Variants in PTPRE observed in about 807,000 individuals in gnomAD.
The protein encoded by PTPRE is receptor-type tyrosine-protein phosphatase epsilon.
In PTPRE, 51 loss-of-function variants were observed where a neutral mutation model predicts 102.0. The observed-to-expected ratio is 0.50, with a 90% CI of 0.40 to 0.63. The LOEUF is 0.63. PTPRE is among the 30% of genes least tolerant of loss of function. The probability of loss-of-function intolerance (pLI) is 0.00; values close to 1 mark genes in which losing one functional copy is unlikely to be tolerated. For missense variants in PTPRE, 752 were observed against 915.1 expected (o/e 0.82, Z 2.30); for synonymous variants, 345 against 348.2 (o/e 0.99, Z 0.10).
chr10:127,920,785 A>G (rs1846540099), intron 1 of PTPRE, among the ~76,000 whole-genome samples: 1 of 152,232 alleles, frequency 6.6e-6, no homozygotes, highest in Non-Finnish European at 1.5e-5. Flanking sequence ...CAAAACTGAA[A>G]GCTCAGGTAC....
Position 128,083,041 on chromosome 10 carries a change from C to T in PTPRE, c.*135C>T. 1 of 801,564 alleles carries T rather than the reference C, an allele frequency of 1.2e-6. No homozygotes were observed. The highest frequency in any genetic ancestry group is 3.4e-5 in the East Asian group (1 of 29,782). The allele number at this position is 801,564 out of a possible 1,614,324, so 49.7% of individuals were successfully genotyped here. A position where few individuals can be genotyped will look rare whatever the true frequency, so the allele number is the denominator to read the frequency against. The stretch of plus-strand genomic sequence containing the variant: ...TATTTTGTTATGCCTTAAAGGCCAC[C>T]TGCTATACAGTTGTTAAATCTTAAA... On this transcript the variant is annotated 3_prime_UTR_variant, in exon 21 of 21. Coordinates refer to ENST00000254667, the MANE Select transcript of PTPRE (RefSeq NM_006504.6).
At chr10:128,054,485 C>T (rs369670175) in intron 6 of PTPRE, among the ~76,000 whole-genome samples, 10 of 152,092 alleles carry the variant, frequency 6.6e-5, no homozygotes, top group African/African-American at 2.2e-4. Flanking sequence ...GAACTACAGG[C>T]GGCGTAGGTG....
chr10:127,999,756 T>C, intron 2 of PTPRE: 1 of 985,440 alleles, frequency 1.0e-6, no homozygotes, highest in Middle Eastern at 5.2e-4. Context: ...ATCTTTGCTC[T>C]GGTTTCTGGT....
chr10:127,957,944 G>C (rs1319466286), intron 1 of PTPRE, among the ~76,000 whole-genome samples: 1 of 152,128 alleles, frequency 6.6e-6, no homozygotes, highest in African/African-American at 2.4e-5. Flanking sequence ...CATATTTAGG[G>C]ATGCTAATAT....
chr10:128,072,728 T>A (rs1423346970), intron 16 of PTPRE: 1 of 151,836 alleles, frequency 6.6e-6, no homozygotes, highest in Admixed American at 6.6e-5. Context: ...GCTAAGTAAT[T>A]GGCTCTTTTT....
chr10:127,940,566 G>A (rs1358185002), intron 1 of PTPRE, among the ~76,000 whole-genome samples: 1 of 151,396 alleles, frequency 6.6e-6, no homozygotes, highest in East Asian at 1.9e-4. Context: ...TCCTTCATCA[G>A]GTGTTGCTGC....
At chr10:127,987,984 C>A (rs976535575) in intron 2 of PTPRE, among the ~76,000 whole-genome samples, 1 of 152,214 alleles carries the variant, frequency 6.6e-6, no homozygotes, top group Non-Finnish European at 1.5e-5. Context: ...CTGTGCAGTT[C>A]ATGTTGCGAT....
chr10:127,982,370 T>C, intron 2 of PTPRE, 74 bp downstream of exon 2: 1 of 974,804 alleles, frequency 1.0e-6, no homozygotes. Flanking sequence ...GGGATTTAAT[T>C]ATTAGAAGAG....
Position 127,968,078 on chromosome 10 carries a change from C to A in PTPRE, c.-30-14196C>A, listed in dbSNP as rs574229276. 2.9e-4 allele frequency among the ~76,000 whole-genome samples: 43 copies of A among 149,720 alleles called. No individual in the cohort carries two copies. In the South Asian group the frequency reaches 8.6e-3, roughly 30 times the overall value. Reference sequence around the variant, plus strand: ...GATATAGGTCACACAGTTGTCTTAGCCGTCAGCCCTCAAAAGGCAGGTTCA... The same window carrying A: ...GATATAGGTCACACAGTTGTCTTAGACGTCAGCCCTCAAAAGGCAGGTTCA... On this transcript the variant is annotated intron_variant, in intron 1 of 20. Coordinates refer to ENST00000254667, the MANE Select transcript of PTPRE (RefSeq NM_006504.6).
chr10:128,070,495 A>G lies in PTPRE; in HGVS notation c.1293+45A>G. The G allele has an allele frequency of 1.3e-6, 2 of 1,588,604 alleles. No individual in the cohort carries two copies. Among genetic ancestry groups the G allele is most frequent in the Non-Finnish European group, 1.7e-6 (2 of 1,168,156 alleles). On this transcript the variant is annotated intron_variant, in intron 14 of 20. Coordinates refer to ENST00000254667, the MANE Select transcript of PTPRE (RefSeq NM_006504.6). This position sits in a 1 kb window ranked among gnomAD's most constrained non-coding sequence, Gnocchi z 4.8. The stretch of plus-strand genomic sequence containing the variant: ...CTCTCCATCCTGGTGTAAGCAGCCA[A>G]GGGCACGAGGAAAACAGGTGACCAT...
chr10:128,072,541 A>T (rs938639580), intron 16 of PTPRE: 6 of 198,666 alleles, frequency 3.0e-5, no homozygotes, highest in Non-Finnish European at 6.2e-5. Flanking sequence ...AATCCCAGCT[A>T]CTTGGGAAGC....
intron 1 of PTPRE, among the ~76,000 whole-genome samples, chr10:127,941,037 G>A (rs1037827650): frequency 6.6e-6 from 1 of 152,218 alleles, no homozygotes; most frequent in Admixed American, 6.5e-5. Context: ...CAAGCTGGCA[G>A]GGCAGGGTCT....
chr10:127,985,569 G>T (rs1484284444), intron 2 of PTPRE, among the ~76,000 whole-genome samples: 3 of 152,128 alleles, frequency 2.0e-5, no homozygotes, highest in Non-Finnish European at 2.9e-5. Flanking sequence ...CCATGACAGA[G>T]TGAGACCCTG....
chr10:127,920,811 G>T (rs186800423), intron 1 of PTPRE, among the ~76,000 whole-genome samples: 1 of 152,218 alleles, frequency 6.6e-6, no homozygotes, highest in Non-Finnish European at 1.5e-5. Context: ...GATCCACATG[G>T]CCAGATGTTG....
At chr10:128,077,564 G>C in intron 18 of PTPRE, 53 bp from the exon 19 acceptor site, 1 of 1,557,138 alleles carries the variant, frequency 6.4e-7, no homozygotes, top group Non-Finnish European at 8.7e-7. Context: ...GATGGGGCTG[G>C]GGCCTGTTCC....
intron 1 of PTPRE, among the ~76,000 whole-genome samples, chr10:127,936,547 C>A (rs915088294): frequency 6.6e-5 from 10 of 152,170 alleles, no homozygotes; most frequent in Non-Finnish European, 1.5e-4. Context: ...ACAGCCCACT[C>A]CACAGGGGTC....
intron 7 of PTPRE, 142 bp from the exon 8 acceptor site, chr10:128,060,797 T>C (rs28411949): frequency 0.81 from 559,642 of 688,784 alleles, 228,472 homozygotes; most frequent in African/African-American, 0.91. Context: ...ATCTCTGCCA[T>C]CCCTGGTGTC....
chr10:127,964,988 C>T (rs1393301813), intron 1 of PTPRE: 1 of 456,636 alleles, frequency 2.2e-6, no homozygotes, highest in Non-Finnish European at 4.4e-6. Context: ...TTTTATTCTC[C>T]CACTGACATG....
In PTPRE at chr10:128,047,491, T is replaced by C; in HGVS notation, c.209+2T>C. ...CCTTCTCGCCGCCTACTTCTTCAGGTAGGAGTGTCCCGGGGCACTGACTTG... is the reference window on the plus strand; with the variant it reads ...CCTTCTCGCCGCCTACTTCTTCAGGCAGGAGTGTCCCGGGGCACTGACTTG... On this transcript the variant is annotated splice_donor_variant, in intron 4 of 20. Transcript: ENST00000254667. LOFTEE classifies it high-confidence loss of function. 6.2e-7 allele frequency: 1 copy of C among 1,613,210 alleles called. No homozygotes were observed. Among genetic ancestry groups the C allele is most frequent in the Non-Finnish European group, 8.5e-7 (1 of 1,179,994 alleles).
Sources: gnomAD v4.1 joint callset for allele counts (sites outside exome capture counted in the v4.1 genomes callset) on GRCh38, gnomAD v4.1.1 for gene constraint, Gnocchi (gnomAD v3.1) non-coding constraint, MANE v1.5 for transcripts, NCBI Gene and HGNC (gene_info 2026-07-23, HGNC 2026-07-21) for gene names.